The following LHFPL3 variants were observed in gnomAD, a reference collection of about 807,000 sequenced individuals.
The protein encoded by LHFPL3 is LHFPL tetraspan subfamily member 3.
In LHFPL3, 5 loss-of-function variants were observed where a neutral mutation model predicts 19.3. The ratio of observed to expected loss-of-function variants is 0.26; its 90% confidence interval spans 0.14 to 0.54. The LOEUF (loss-of-function observed/expected upper bound fraction) is 0.54, where lower values mean the gene tolerates loss of function less well. LHFPL3 is among the 20% of genes least tolerant of loss of function. LHFPL3 has a pLI of 0.94. For synonymous variants in LHFPL3, 133 were observed against 126.2 expected, an observed-to-expected ratio of 1.05 and a Z score of -0.36; for missense variants, 249 against 307.4, an observed-to-expected ratio of 0.81 and a Z score of 1.42.
rs1260118634 is a variant in LHFPL3 at position 104,399,809 on chromosome 7, G to A, written c.445+70585G>A. 6.6e-6 allele frequency among the ~76,000 whole-genome samples: 1 copy of A among 151,610 alleles called. No individual in the cohort carries two copies. The highest frequency in any genetic ancestry group is 1.5e-5 in the Non-Finnish European group (1 of 67,918). ...GTCCTTAAGGTAATTATGTTACCAT[G>A]GAAGTGGCCCCAAAGAGTCATGTTG... is the stretch of plus-strand genomic sequence containing the variant. On this transcript the variant is annotated intron_variant, in intron 1 of 2. Coordinates refer to ENST00000424859, the MANE Select transcript of LHFPL3 (RefSeq NM_199000.3). This position sits in a 1 kb window ranked among gnomAD's most constrained non-coding sequence, Gnocchi z 4.4.
At chr7:104,867,994 T>A (rs577293820) in intron 2 of LHFPL3, among the ~76,000 whole-genome samples, 1 of 152,144 alleles carries the variant, frequency 6.6e-6, no homozygotes, top group African/African-American at 2.4e-5. Flanking sequence ...ATTATCTCAA[T>A]AGATGCAGAA....
intron 1 of LHFPL3, among the ~76,000 whole-genome samples, chr7:104,422,348 AAG>A: frequency 6.7e-6 from 1 of 149,116 alleles, no homozygotes; most frequent in Middle Eastern, 3.4e-3. Flanking sequence ...GTGACAGAGC[AAG>A]ACTCTGTCTC....
At chr7:104,827,825 A>G (rs920260679) in intron 2 of LHFPL3, among the ~76,000 whole-genome samples, 2 of 151,906 alleles carry the variant, frequency 1.3e-5, no homozygotes, top group African/African-American at 4.9e-5. Flanking sequence ...AACTCCTTCA[A>G]AAGACCTGTG....
At chr7:104,656,540 T>C (rs1792124416) in intron 1 of LHFPL3, among the ~76,000 whole-genome samples, 1 of 152,174 alleles carries the variant, frequency 6.6e-6, no homozygotes, top group African/African-American at 2.4e-5. Context: ...TGACCCTGAG[T>C]AAGGGATAGA....
intron 1 of LHFPL3, among the ~76,000 whole-genome samples, chr7:104,476,347 C>G (rs1293381759): frequency 6.6e-6 from 1 of 152,130 alleles, no homozygotes; most frequent in Non-Finnish European, 1.5e-5. Context: ...ACTGTTGTTG[C>G]CTCTTCAGTA....
chr7:104,669,301 G>A (rs1448058951), intron 1 of LHFPL3: 11 of 1,613,776 alleles, frequency 6.8e-6, no homozygotes, highest in Non-Finnish European at 9.3e-6. Context: ...ATCTGAGGAA[G>A]GACCAGGAAG....
rs1477337047 is a variant in LHFPL3 at position 104,430,395 on chromosome 7, TATATATATAC to T, written c.445+101181_445+101190del. On this transcript the variant is annotated intron_variant, in intron 1 of 2. Transcript: ENST00000424859. ...GTATATATATATACATATATATATA[TATATATATAC>T]ATATATATATATACATATATATATA... Among the ~76,000 whole-genome samples the T allele has an allele frequency of 1.2e-3, 48 of 40,588 alleles. 1 individual carries two copies. Among genetic ancestry groups the T allele is most frequent in the South Asian group, 3.0e-3 (4 of 1,332 alleles). 26.6% of individuals were successfully genotyped at this position (40,588 alleles called of 152,430 possible). A position where few individuals can be genotyped will look rare whatever the true frequency, so the allele number is the denominator to read the frequency against.
chr7:104,658,641 A>T (rs2115974002), intron 1 of LHFPL3, among the ~76,000 whole-genome samples: 1 of 152,270 alleles, frequency 6.6e-6, no homozygotes, highest in South Asian at 2.1e-4. Context: ...TCTCTACTAA[A>T]AATACAACTA....
At chr7:104,555,413 C>T (rs1370818951) in intron 1 of LHFPL3, among the ~76,000 whole-genome samples, 2 of 152,126 alleles carry the variant, frequency 1.3e-5, no homozygotes, top group African/African-American at 4.8e-5. Context: ...ACAATCATGG[C>T]AGAAGGCAAG....
intron 2 of LHFPL3, among the ~76,000 whole-genome samples, chr7:104,761,197 G>C (rs187014827): frequency 2.2e-4 from 33 of 152,212 alleles, no homozygotes; most frequent in Admixed American, 1.0e-3. Context: ...AAGCCGTCTA[G>C]GTCTCTTGAC....
intron 1 of LHFPL3, among the ~76,000 whole-genome samples, chr7:104,586,962 C>T (rs1790590980): frequency 6.6e-6 from 1 of 152,026 alleles, no homozygotes; most frequent in South Asian, 2.1e-4. Flanking sequence ...TTCTCCATTT[C>T]AGAGGCATAA....
At chr7:104,352,473 G>A (rs760911218) in intron 1 of LHFPL3, among the ~76,000 whole-genome samples, 21 of 152,030 alleles carry the variant, frequency 1.4e-4, no homozygotes, top group Non-Finnish European at 3.1e-4. Context: ...TTTAATAGAT[G>A]CCTCAAGGCA....
At chr7:104,891,667 T>G (rs575347607) in intron 2 of LHFPL3, among the ~76,000 whole-genome samples, 1 of 152,126 alleles carries the variant, frequency 6.6e-6, no homozygotes, top group African/African-American at 2.4e-5. Context: ...TGGGCAGAGG[T>G]TGGGAAGCCT....
At chr7:104,773,874 C>T (rs4524726) in intron 2 of LHFPL3, among the ~76,000 whole-genome samples, 18,087 of 152,266 alleles carry the variant, frequency 0.12, 1,305 homozygotes, top group Non-Finnish European at 0.16. Flanking sequence ...CTGCGGACAC[C>T]GTGATCCTTG....
At chr7:104,586,625 T>A (rs1056681163) in intron 1 of LHFPL3, among the ~76,000 whole-genome samples, 16 of 152,172 alleles carry the variant, frequency 1.1e-4, no homozygotes, top group African/African-American at 3.9e-4. Flanking sequence ...AAATTGACTT[T>A]ATATATTTTT....
intron 1 of LHFPL3, among the ~76,000 whole-genome samples, chr7:104,600,638 A>G (rs773906925): frequency 2.0e-5 from 3 of 152,188 alleles, no homozygotes; most frequent in Non-Finnish European, 4.4e-5. Context: ...TTTTGCTGGC[A>G]AAAATTTAGA....
rs1790966066 is a variant in LHFPL3 at position 104,832,203 on chromosome 7, A to T, written c.683-73984A>T. 1.3e-5 allele frequency among the ~76,000 whole-genome samples: 2 copies of T among 152,000 alleles called. 1 individual carries two copies. Among genetic ancestry groups the T allele is most frequent in the African/African-American group, 4.8e-5 (2 of 41,256 alleles). On this transcript the variant is annotated intron_variant, in intron 2 of 2. Transcript: ENST00000424859. ...ATTTGGGGTTTTAGATGCACCGGAT[A>T]ATTGTCATTGTCCCTTTATGGTGGA...
intron 1 of LHFPL3, among the ~76,000 whole-genome samples, chr7:104,726,344 T>TA (rs1232313277): frequency 6.6e-6 from 1 of 151,898 alleles, no homozygotes; most frequent in African/African-American, 2.4e-5. Context: ...ATTTTTTTTT[T>TA]TTATTCCAAG....
intron 1 of LHFPL3, among the ~76,000 whole-genome samples, chr7:104,657,826 A>G (rs1370865802): frequency 2.6e-5 from 4 of 152,192 alleles, no homozygotes; most frequent in Admixed American, 2.6e-4. Context: ...GAAAACTTCC[A>G]CAATTGAATT....
Sources: allele counts gnomAD v4.1 joint callset (sites outside exome capture counted in the v4.1 genomes callset), GRCh38; gene constraint gnomAD v4.1.1; non-coding constraint Gnocchi (gnomAD v3.1); transcripts MANE v1.5; gene names NCBI Gene and HGNC (gene_info 2026-07-23, HGNC 2026-07-21).